TMEM94: variants seen among roughly 807,000 people sequenced by gnomAD.
The protein encoded by TMEM94 is transmembrane protein 94, also known as ER Mg2+ ATPase.
A neutral mutation model predicts 158.6 loss-of-function variants in TMEM94; 81 were observed. The observed-to-expected ratio is 0.51, with a 90% confidence interval of 0.43 to 0.61. The LOEUF (loss-of-function observed/expected upper bound fraction) is 0.61. Ranked by LOEUF, TMEM94 falls within the 20% of genes least tolerant of loss-of-function variation. TMEM94 has a pLI of 0.00. For synonymous variants in TMEM94, 751 were observed against 730.7 expected, an observed-to-expected ratio of 1.03 and a Z score of -0.45; for missense variants, 1,435 against 1,762.0, an observed-to-expected ratio of 0.81 and a Z score of 3.32.
chr17:75,479,294 T>G (rs1205925058), intron 2 of TMEM94, among the ~76,000 whole-genome samples: 1 of 151,552 alleles, frequency 6.6e-6, no homozygotes, highest in African/African-American at 2.4e-5. Flanking sequence ...AGACCTCATG[T>G]CTACAAAAAA....
At chr17:75,478,258 C>T (rs1458648897) in intron 2 of TMEM94, among the ~76,000 whole-genome samples, 1 of 142,136 alleles carries the variant, frequency 7.0e-6, no homozygotes, top group Non-Finnish European at 1.5e-5. Context: ...ACCTCGTGAT[C>T]CGCCCGCCTC....
At position 75,492,635 on chromosome 17, in the gene TMEM94, C is replaced by A. The variant is rs763294110; in HGVS notation, c.1758C>A (p.Gly586=). 3 of 1,614,094 alleles carry A rather than the reference C, an allele frequency of 1.9e-6. No homozygotes were observed. The highest frequency in any genetic ancestry group is 2.5e-6 in the Non-Finnish European group (3 of 1,180,020). The change falls in exon 15 of 32, where the codon GGC becomes GGA. Residue 586 remains glycine (G), a synonymous_variant. Transcript: ENST00000314256. This position sits in a 1 kb window ranked among gnomAD's most constrained non-coding sequence, Gnocchi z 4.4. ...ACCTCACCTCCCTCAAACCCCTGGG[C>A]CTCAATGTGCTGCTGAACCTGTGTG... is the stretch of plus-strand genomic sequence containing the variant. ...QLHLTSLKPL[G]LNVLLNLCDA... is the part of the protein sequence containing the mutation.
chr17:75,475,904 T>C (rs779694981), intron 2 of TMEM94, among the ~76,000 whole-genome samples: 2 of 152,238 alleles, frequency 1.3e-5, no homozygotes, highest in Non-Finnish European at 2.9e-5. Flanking sequence ...GGATCCTTCC[T>C]TCTGTCAGCT....
chr17:75,497,413 G>T (rs988628361), intron 26 of TMEM94, among the ~76,000 whole-genome samples: 6 of 134,608 alleles, frequency 4.5e-5, no homozygotes, highest in Non-Finnish European at 7.7e-5. Flanking sequence ...GAGTGCAATG[G>T]TGCAATCTCT....
intron 1 of TMEM94, among the ~76,000 whole-genome samples, chr17:75,459,332 A>T (rs1471476702): frequency 6.6e-6 from 1 of 152,178 alleles, no homozygotes; most frequent in Non-Finnish European, 1.5e-5. Context: ...ACTGCCCTTG[A>T]ACCACCAGAC....
At chr17:75,466,064 G>A (rs1237505119) in intron 1 of TMEM94, among the ~76,000 whole-genome samples, 7 of 152,038 alleles carry the variant, frequency 4.6e-5, no homozygotes, top group South Asian at 4.2e-4. Flanking sequence ...GACTACAGGC[G>A]TGCTCCACCA....
In TMEM94 at chr17:75,498,640, A is replaced by C. The variant is rs777625890; in HGVS notation, c.3745A>C (p.Ile1249Leu). The change falls in exon 30 of 32, where the codon ATC becomes CTC. Residue 1249 changes from isoleucine to leucine, a missense_variant. By Grantham distance (5) the Ile-to-Leu change is conservative. Transcript: ENST00000314256. This position sits in a 1 kb window ranked among gnomAD's most constrained non-coding sequence, Gnocchi z 6.7. The part of the protein sequence containing the change: ...LIVLHTVFIS[I>L]THVHRTKPLW... The stretch of plus-strand genomic sequence containing the variant: ...CCCACCTTCCCCAGTCTTCATTTCC[A>C]TCACCCATGTGCATCGCACCAAGCC... The C allele has an allele frequency of 6.2e-7, 1 of 1,610,812 alleles. No individual in the cohort carries two copies. The highest frequency in any genetic ancestry group is 1.1e-5 in the South Asian group (1 of 90,546).
At chr17:75,476,526 C>T (rs1417770933) in intron 2 of TMEM94, 1 of 1,430,312 alleles carries the variant, frequency 7.0e-7, no homozygotes, top group Admixed American at 2.8e-5. Context: ...AAGCTCTGCT[C>T]TGCTGCGCCT....
intron 2 of TMEM94, among the ~76,000 whole-genome samples, chr17:75,484,409 GT>G (rs1191994219): frequency 2.1e-5 from 3 of 146,304 alleles, no homozygotes; most frequent in African/African-American, 2.5e-5. Context: ...TTTTGTTGTT[GT>G]TTTTTTGAGA....
chr17:75,462,712 T>G (rs1269069872), intron 1 of TMEM94, among the ~76,000 whole-genome samples: 4 of 149,722 alleles, frequency 2.7e-5, no homozygotes, highest in Non-Finnish European at 5.9e-5. Flanking sequence ...GTTCTAGGCT[T>G]GACTCAGTGG....
At chr17:75,479,422 CG>C (rs2050977600) in intron 2 of TMEM94, among the ~76,000 whole-genome samples, 1 of 152,078 alleles carries the variant, frequency 6.6e-6, no homozygotes, top group Non-Finnish European at 1.5e-5. Flanking sequence ...TGGGTTCAAG[CG>C]ATTCCCCTGC....
Position 75,489,222 on chromosome 17 carries a change from T to C in TMEM94, c.765-44T>C. ...AGAATCCTCCCAAGGTGTAGGTTTC[T>C]AGCCTCTCTGCCAAGTGAGACTGAC... is the stretch of plus-strand genomic sequence containing the variant. On this transcript the variant is annotated intron_variant, in intron 7 of 31. Coordinates refer to ENST00000314256, the MANE Select transcript of TMEM94 (RefSeq NM_014738.6). The surrounding 1 kb of genome is among the most constrained non-coding windows in gnomAD (Gnocchi z 5.0). 6.4e-7 allele frequency: 1 copy of C among 1,574,762 alleles called. No homozygotes were observed. The highest frequency in any genetic ancestry group is 8.7e-7 in the Non-Finnish European group (1 of 1,144,498).
In TMEM94 at chr17:75,485,871, G is replaced by A; in HGVS notation, c.145G>A (p.Glu49Lys). ...TCCCCTCCCTGTCCGAACTTCCCAG[G>A]AGGTGTGGAGAAGCAGCTTCCTCCA... is the stretch of plus-strand genomic sequence containing the variant. ...RERKKCLTWK[E>K]VWRSSFLHHS... Residue 49 changes from glutamate (E) to lysine (K), a missense_variant and splice_region_variant, in exon 4 of 32, where the codon GAG (glutamate) becomes AAG (lysine). Physicochemically the swap from Glu to Lys is moderately conservative, Grantham distance 56. This residue lies in a region of TMEM94 where 1,051 missense variants were observed against 1,254.4 expected (regional missense o/e 0.84). Transcript: ENST00000314256. This position sits in a 1 kb window ranked among gnomAD's most constrained non-coding sequence, Gnocchi z 5.5. The A allele has an allele frequency of 6.2e-7, 1 of 1,610,674 alleles. No homozygotes were observed. The highest frequency in any genetic ancestry group is 1.1e-5 in the South Asian group (1 of 90,492).
At position 75,490,293 on chromosome 17, in the gene TMEM94, T is replaced by C; in HGVS notation, c.1014T>C (p.Thr338=). 6.2e-7 allele frequency: 1 copy of C among 1,614,132 alleles called. No individual in the cohort carries two copies. Among genetic ancestry groups the C allele is most frequent in the Non-Finnish European group, 8.5e-7 (1 of 1,180,026 alleles). ...LLFPVLWVLA[T]ACGEARVLAQ... Reference sequence around the variant, plus strand: ...TTCCAGTCCTCTGGGTTCTGGCAACTGCCTGTGGAGAGGCCCGTGTCCTGG... The same window carrying C: ...TTCCAGTCCTCTGGGTTCTGGCAACCGCCTGTGGAGAGGCCCGTGTCCTGG... Residue 338 remains threonine (T), a synonymous_variant, in exon 10 of 32, where the codon ACT becomes ACC. Coordinates refer to ENST00000314256, the MANE Select transcript of TMEM94 (RefSeq NM_014738.6).
chr17:75,490,160 C>T, intron 9 of TMEM94, 74 bp from the exon 10 acceptor site: 1 of 1,571,022 alleles, frequency 6.4e-7, no homozygotes, highest in Non-Finnish European at 8.6e-7. Flanking sequence ...GCCGTGGGGC[C>T]AGGGCAGCCC....
Position 75,491,818 on chromosome 17 carries a change from C to T in TMEM94, c.1514C>T (p.Ala505Val), listed in dbSNP as rs372955052. 138 of 1,614,090 alleles carry T rather than the reference C, an allele frequency of 8.5e-5. No homozygotes were observed. The highest frequency in any genetic ancestry group is 1.1e-4 in the Non-Finnish European group (128 of 1,180,028). The change falls in exon 14 of 32, where the codon GCG becomes GTG. Residue 505 changes from alanine to valine, a missense_variant. This residue lies in a region of TMEM94 where 1,051 missense variants were observed against 1,254.4 expected (regional missense o/e 0.84). Coordinates refer to ENST00000314256, the MANE Select transcript of TMEM94 (RefSeq NM_014738.6). The surrounding 1 kb of genome is among the most constrained non-coding windows in gnomAD (Gnocchi z 5.1). ...KPPEPYSHHKAHGRSKHPSGS... is the reference protein window; with the variant it reads ...KPPEPYSHHKVHGRSKHPSGS... ...CCCGAGCCCTATTCACACCACAAAG[C>T]GCATGGCCGCAGCAAACACCCATCT...
At chr17:75,464,606 CCTTCCTTTCT>C (rs2050222633) in intron 1 of TMEM94, among the ~76,000 whole-genome samples, 4 of 59,812 alleles carry the variant, frequency 6.7e-5, no homozygotes, top group African/African-American at 1.5e-4. Context: ...TTCTTTCTTT[CCTTCCTTTCT>C]TTCTTTCCTT....
At chr17:75,497,084 T>C (rs761284441) in intron 25 of TMEM94, 29 bp from the exon 26 acceptor site, 2 of 1,597,468 alleles carry the variant, frequency 1.3e-6, no homozygotes, top group Non-Finnish European at 1.7e-6. Context: ...TGAATTGAAC[T>C]GTGGCTCTTG....
At chr17:75,497,418 A>G (rs1423503061) in intron 26 of TMEM94, among the ~76,000 whole-genome samples, 2 of 133,590 alleles carry the variant, frequency 1.5e-5, no homozygotes, top group Non-Finnish European at 3.0e-5. Flanking sequence ...CAATGGTGCA[A>G]TCTCTGCTCA....
Sources: gnomAD v4.1 joint callset for allele counts (sites outside exome capture counted in the v4.1 genomes callset) on GRCh38, gnomAD v4.1.1 for gene constraint, gnomAD v4.1.1 regional missense constraint, Gnocchi (gnomAD v3.1) non-coding constraint, MANE v1.5 for transcripts, NCBI Gene and HGNC (gene_info 2026-07-23, HGNC 2026-07-21) for gene names.